Variants in BCL6 observed in about 807,000 individuals in gnomAD.
BCL6 encodes the protein B-cell lymphoma 6 protein.
BCL6 carries 7 observed loss-of-function variants against 59.5 expected under a neutral mutation model. The ratio of observed to expected loss-of-function variants is 0.12; its 90% CI spans 0.07 to 0.22. The LOEUF is 0.22. BCL6 is among the 10% of genes least tolerant of loss of function. BCL6 has a pLI of 1.00. For missense variants in BCL6, 685 were observed against 939.4 expected (o/e 0.73, Z 3.54); for synonymous variants, 339 against 349.7 (o/e 0.97, Z 0.34).
chr3:187,731,167 T>A (rs1386208155), intron 4 of BCL6, among the ~76,000 whole-genome samples: 1 of 152,264 alleles, frequency 6.6e-6, no homozygotes, highest in African/African-American at 2.4e-5. Flanking sequence ...TTCAATTCAA[T>A]AAATGTCCTG....
In BCL6 at chr3:187,722,542, C is replaced by T. The variant is rs200467709; in HGVS notation, c.2037G>A (p.Gln679=). 2 of 1,614,032 alleles carry T rather than the reference C, an allele frequency of 1.2e-6. No individual in the cohort carries two copies. Among genetic ancestry groups the T allele is most frequent in the African/African-American group, 2.7e-5 (2 of 75,054 alleles). The change falls in exon 10 of 10, where the codon CAG becomes CAA. Residue 679 remains glutamine, a synonymous_variant. Coordinates refer to ENST00000406870, the MANE Select transcript of BCL6 (RefSeq NM_001706.5). Reference sequence around the variant, plus strand: ...TGGTGTTGGTGATGGCGCCATGCTTCTGGCGCAAGTGAAGTCGCAGCTGGC... The same window carrying T: ...TGGTGTTGGTGATGGCGCCATGCTTTTGGCGCAAGTGAAGTCGCAGCTGGC... ...HKSQLRLHLR[Q]KHGAITNTKV...
At chr3:187,739,015 A>G (rs1421113138) in intron 1 of BCL6, among the ~76,000 whole-genome samples, 1 of 152,170 alleles carries the variant, frequency 6.6e-6, no homozygotes, top group Non-Finnish European at 1.5e-5. Flanking sequence ...CCCTCCATCA[A>G]GGTTTGAAAC....
At chr3:187,739,554 T>C (rs577865077) in intron 1 of BCL6, among the ~76,000 whole-genome samples, 1 of 152,328 alleles carries the variant, frequency 6.6e-6, no homozygotes, top group South Asian at 2.1e-4. Flanking sequence ...TGACTTTCAT[T>C]TCTATCACGT....
At chr3:187,734,609 G>C (rs941659061) in intron 2 of BCL6, 3 of 152,202 alleles carry the variant, frequency 2.0e-5, no homozygotes, top group African/African-American at 7.2e-5. Context: ...TTTGTACCTC[G>C]AGGAGCTAGC....
At position 187,721,629 on chromosome 3, in the gene BCL6, C is replaced by T. The variant is rs890415194; in HGVS notation, c.*829G>A. 2.1e-5 allele frequency: 5 copies of T among 232,834 alleles called. No individual in the cohort carries two copies. Among genetic ancestry groups the T allele is most frequent in the South Asian group, 1.8e-4 (1 of 5,520 alleles). 14.4% of individuals were successfully genotyped at this position (232,834 alleles called of 1,614,324 possible). ...TGAAAACTTCCGTGAAAAAAGGCAC[C>T]GTGAGGACACGTTGTACGGGTATAT... On this transcript the variant is annotated 3_prime_UTR_variant, in exon 10 of 10. Transcript: ENST00000406870. This position sits in a 1 kb window ranked among gnomAD's most constrained non-coding sequence, Gnocchi z 4.2.
At chr3:187,730,989 G>A (rs1469316121) in intron 4 of BCL6, among the ~76,000 whole-genome samples, 1 of 152,196 alleles carries the variant, frequency 6.6e-6, no homozygotes, top group East Asian at 1.9e-4. Flanking sequence ...GAGCGAGGAT[G>A]CAATCACCCT....
intron 1 of BCL6, chr3:187,737,027 C>T (rs1719311422): frequency 6.6e-6 from 1 of 152,008 alleles, no homozygotes; most frequent in South Asian, 2.1e-4. Context: ...AGCCATTCCA[C>T]CAATGCCACA....
Position 187,725,174 on chromosome 3 carries a change from C to A in BCL6, c.1840-96G>T. ...ACACAGCCAGTGAGTGGGCCTTTCT[C>A]CAGGCCACTCTGCTCACCTGCACAC... On this transcript the variant is annotated intron_variant, in intron 8 of 9. Transcript: ENST00000406870. The surrounding 1 kb of genome is among the most constrained non-coding windows in gnomAD (Gnocchi z 4.7). 1.3e-6 allele frequency: 2 copies of A among 1,536,466 alleles called. No homozygotes were observed. The highest frequency in any genetic ancestry group is 1.2e-5 in the South Asian group (1 of 85,050).
rs1718615261 is a variant in BCL6, at chr3:187,725,190, A to T, written c.1840-112T>A. ...GGCCTTTCTCCAGGCCACTCTGCTC[A>T]CCTGCACACAGGGACTGAGTGGGCC... On this transcript the variant is annotated intron_variant, in intron 8 of 9. Coordinates refer to ENST00000406870, the MANE Select transcript of BCL6 (RefSeq NM_001706.5). This position sits in a 1 kb window ranked among gnomAD's most constrained non-coding sequence, Gnocchi z 4.7. 6.7e-7 allele frequency: 1 copy of T among 1,481,996 alleles called. No individual in the cohort carries two copies. Among genetic ancestry groups the T allele is most frequent in the African/African-American group, 1.4e-5 (1 of 72,036 alleles). The allele number at this position is 1,481,996 out of a possible 1,614,324, so 91.8% of individuals were successfully genotyped here. A position where few individuals can be genotyped will look rare whatever the true frequency, so the allele number is the denominator to read the frequency against.
At chr3:187,732,220 G>A (rs1719082350) in intron 3 of BCL6, 1 of 431,220 alleles carries the variant, frequency 2.3e-6, no homozygotes, top group East Asian at 4.6e-5. Context: ...TAAAGTCACA[G>A]GGCCTGTTTT....
In BCL6 at chr3:187,729,426, C is replaced by T; in HGVS notation, c.979G>A (p.Gly327Ser). ...EPPNAPLNRK[G>S]LVSPQSPQKS... ...TGGGGGCTCTGTGGACTAACCAGAC[C>T]CTTCCGGTTCAGGGGTGCATTGGGG... The change falls in exon 5 of 10, where the codon GGT becomes AGT. Residue 327 changes from glycine (G) to serine (S), a missense_variant. By Grantham distance (56) the Gly-to-Ser change is moderately conservative. Around this residue, in one of 7 missense-constraint regions of BCL6, gnomAD observed 268 missense variants for 263.8 expected, o/e 1.02. Transcript: ENST00000406870. This position sits in a 1 kb window ranked among gnomAD's most constrained non-coding sequence, Gnocchi z 5.6. The T allele has an allele frequency of 1.2e-6, 2 of 1,610,636 alleles. No homozygotes were observed. Among genetic ancestry groups the T allele is most frequent in the Non-Finnish European group, 1.7e-6 (2 of 1,178,166 alleles).
chr3:187,728,499 T>C lies in BCL6; in HGVS notation c.1401A>G (p.Pro467=), dbSNP rs757540423. ...TGCACTTCGGGGGGTGCATGTAGAGTGGTGAGTGGCTCTCGCTGCTGCTGC... is the reference window on the plus strand; with the variant it reads ...TGCACTTCGGGGGGTGCATGTAGAGCGGTGAGTGGCTCTCGCTGCTGCTGC... ...SPRSSSESHS[P]LYMHPPKCTS... The change falls in exon 6 of 10, where the codon CCA becomes CCG. Residue 467 remains proline (P), a synonymous_variant. Coordinates refer to ENST00000406870, the MANE Select transcript of BCL6 (RefSeq NM_001706.5). 2.4e-5 allele frequency: 39 copies of C among 1,610,290 alleles called. No homozygotes were observed. Among genetic ancestry groups the C allele is most frequent in the East Asian group, 8.9e-5 (4 of 44,702 alleles).
Position 187,740,349 on chromosome 3 carries a change from C to A in BCL6, c.-50+5061G>T, listed in dbSNP as rs141187658. ...GTCTTTGGTCCAGGCCTTAACCCCC[C>A]TCTTAACACGCAAACCCCCGAGCTC... On this transcript the variant is annotated intron_variant, in intron 1 of 9. Transcript: ENST00000406870. Among the ~76,000 whole-genome samples the A allele has an allele frequency of 2.7e-3, 416 of 152,040 alleles. 3 individuals carry two copies. The highest frequency in any genetic ancestry group is 9.5e-3 in the African/African-American group (394 of 41,462).
chr3:187,722,616 G>A lies in BCL6; in HGVS notation c.1978-15C>T, dbSNP rs1469545889. On this transcript the variant is annotated splice_polypyrimidine_tract_variant and intron_variant, in intron 9 of 9. Coordinates refer to ENST00000406870, the MANE Select transcript of BCL6 (RefSeq NM_001706.5). Reference sequence around the variant, plus strand: ...CACTTCTCACACTGCAGGGATATCAGAGGCAAACTGTTAGCTGTCATCAAC... The same window carrying A: ...CACTTCTCACACTGCAGGGATATCAAAGGCAAACTGTTAGCTGTCATCAAC... 6.2e-7 allele frequency: 1 copy of A among 1,609,708 alleles called. No homozygotes were observed. The highest frequency in any genetic ancestry group is 1.7e-5 in the Admixed American group (1 of 59,430).
intron 1 of BCL6, among the ~76,000 whole-genome samples, chr3:187,742,552 C>A (rs75302979): frequency 5.7e-4 from 87 of 152,166 alleles, no homozygotes; most frequent in Non-Finnish European, 8.7e-4. Context: ...GCCTTACTGT[C>A]ACTATCAACA....
rs764231683 is a variant in BCL6 at position 187,729,073 on chromosome 3, G to A, written c.1332C>T (p.Ser444=). The A allele has an allele frequency of 6.5e-7, 1 of 1,529,256 alleles. No homozygotes were observed. The highest frequency in any genetic ancestry group is 2.3e-5 in the East Asian group (1 of 44,236). 94.7% of individuals were successfully genotyped at this position (1,529,256 alleles called of 1,614,324 possible). The change falls in exon 5 of 10, where the codon AGC becomes AGT. Residue 444 remains serine (S), a synonymous_variant. Coordinates refer to ENST00000406870, the MANE Select transcript of BCL6 (RefSeq NM_001706.5). The surrounding 1 kb of genome is among the most constrained non-coding windows in gnomAD (Gnocchi z 5.6). ...ACCTGTTAACGATGTTATTGAGCCG[G>A]CTGGCTTGTGGGATGGTGGAGTCCT... ...SGEDSTIPQA[S]RLNNIVNRSM...
At chr3:187,724,004 G>A (rs945623000) in intron 9 of BCL6, among the ~76,000 whole-genome samples, 3 of 152,186 alleles carry the variant, frequency 2.0e-5, no homozygotes, top group South Asian at 2.1e-4. Flanking sequence ...GGTACTAAGA[G>A]GATAACGAAT....
At chr3:187,741,616 C>T (rs1711596028) in intron 1 of BCL6, among the ~76,000 whole-genome samples, 1 of 152,168 alleles carries the variant, frequency 6.6e-6, no homozygotes, top group Non-Finnish European at 1.5e-5. Flanking sequence ...GCCAGTTCTG[C>T]CACCACGCTG....
intron 1 of BCL6, among the ~76,000 whole-genome samples, chr3:187,744,546 C>G (rs1711790908): frequency 6.6e-6 from 1 of 152,128 alleles, no homozygotes; most frequent in Admixed American, 6.5e-5. Flanking sequence ...ATAGTAGACA[C>G]GATACTTCAT....
Sources: gnomAD v4.1 joint callset for allele counts (sites outside exome capture counted in the v4.1 genomes callset) on GRCh38, gnomAD v4.1.1 for gene constraint, gnomAD v4.1.1 regional missense constraint, Gnocchi (gnomAD v3.1) non-coding constraint, MANE v1.5 for transcripts, NCBI Gene and HGNC (gene_info 2026-07-23, HGNC 2026-07-21) for gene names.